Variants in APLP2 observed in about 807,000 individuals in gnomAD.
APLP2 encodes the protein CDEI box-binding protein.
A neutral mutation model predicts 89.9 loss-of-function variants in APLP2; 53 were observed. The ratio of observed to expected loss-of-function variants is 0.59; its 90% CI spans 0.47 to 0.74. The LOEUF (loss-of-function observed/expected upper bound fraction) is 0.74, where lower values mean the gene tolerates loss of function less well. Ranked by LOEUF, APLP2 falls within the 30% of genes least tolerant of loss-of-function variation. APLP2 has a pLI of 0.00. For missense variants in APLP2, 973 were observed against 975.9 expected (o/e 1.00, Z 0.04); for synonymous variants, 372 against 348.6 (o/e 1.07, Z -0.75).
chr11:130,110,725 C>G (rs935624225), intron 3 of APLP2, 64 bp downstream of exon 3: 45 of 1,511,094 alleles, frequency 3.0e-5, no homozygotes, highest in Non-Finnish European at 3.9e-5. Flanking sequence ...TTAATTTTCT[C>G]TTGGCTCACA....
intron 1 of APLP2, among the ~76,000 whole-genome samples, chr11:130,090,623 CT>C (rs529620556): frequency 5.2e-4 from 79 of 152,086 alleles, no homozygotes; most frequent in African/African-American, 1.8e-3. Context: ...AGGAATTTTT[CT>C]TAGTGCAGAA....
intron 1 of APLP2, among the ~76,000 whole-genome samples, chr11:130,070,299 T>C (rs1940673198): frequency 6.6e-6 from 1 of 151,046 alleles, no homozygotes; most frequent in Non-Finnish European, 1.5e-5. Context: ...AGAGGCCAAA[T>C]GAAAGGCGTC....
chr11:130,070,554 C>G, intron 1 of APLP2: 1 of 1,281,506 alleles, frequency 7.8e-7, no homozygotes, highest in Non-Finnish European at 9.8e-7. Flanking sequence ...CACCTGCGAG[C>G]GGCGGGCTTC....
intron 3 of APLP2, among the ~76,000 whole-genome samples, chr11:130,113,772 A>G (rs1020206210): frequency 1.3e-5 from 2 of 152,114 alleles, no homozygotes; most frequent in Non-Finnish European, 2.9e-5. Flanking sequence ...TAGAGTTGCT[A>G]TTGCTTTTTT....
intron 4 of APLP2, 147 bp from the exon 5 acceptor site, chr11:130,121,467 T>A: frequency 9.6e-7 from 1 of 1,041,004 alleles, no homozygotes; most frequent in Non-Finnish European, 1.3e-6. Context: ...TATTACAATT[T>A]TTTTTTGACA....
chr11:130,082,340 C>G (rs781091455), intron 1 of APLP2, among the ~76,000 whole-genome samples: 2 of 151,920 alleles, frequency 1.3e-5, no homozygotes, highest in Admixed American at 6.6e-5. Context: ...CCCGCCATCA[C>G]GCCCAGCTGA....
intron 1 of APLP2, among the ~76,000 whole-genome samples, chr11:130,075,590 C>T (rs2135342849): frequency 6.6e-6 from 1 of 152,198 alleles, no homozygotes; most frequent in South Asian, 2.1e-4. Flanking sequence ...TCAAAAGCTC[C>T]CCGGATGATT....
intron 3 of APLP2, among the ~76,000 whole-genome samples, chr11:130,117,370 T>C (rs1231817128): frequency 1.3e-5 from 2 of 152,234 alleles, no homozygotes; most frequent in Non-Finnish European, 2.9e-5. Flanking sequence ...AGATGAGACA[T>C]AATGTGATGG....
intron 5 of APLP2, 138 bp from the exon 6 acceptor site, chr11:130,122,167 G>A (rs1300386425): frequency 1.9e-6 from 2 of 1,031,748 alleles, no homozygotes; most frequent in Non-Finnish European, 2.9e-6. Context: ...TGGGCCCCAG[G>A]GCTTAGTGGC....
chr11:130,125,777 C>T (rs901173801), intron 7 of APLP2, among the ~76,000 whole-genome samples: 1 of 152,242 alleles, frequency 6.6e-6, no homozygotes, highest in Non-Finnish European at 1.5e-5. Context: ...AGCAAGTCCA[C>T]ACCAGCTTGG....
chr11:130,119,469 C>T (rs1041339497), intron 3 of APLP2, among the ~76,000 whole-genome samples: 4 of 152,220 alleles, frequency 2.6e-5, no homozygotes, highest in Non-Finnish European at 5.9e-5. Context: ...TTCACCCTCA[C>T]GTACTGGTTG....
At chr11:130,095,616 G>A (rs1002523247) in intron 1 of APLP2, among the ~76,000 whole-genome samples, 2 of 152,258 alleles carry the variant, frequency 1.3e-5, no homozygotes, top group Non-Finnish European at 2.9e-5. Flanking sequence ...TCCTTCTCGT[G>A]TGAGCTCTAG....
chr11:130,140,739 G>A (rs1952264669), intron 14 of APLP2: 1 of 272,380 alleles, frequency 3.7e-6, no homozygotes. Context: ...CTAAAGATAT[G>A]AATAACCTGT....
At chr11:130,137,966 C>T (rs1951830823) in intron 13 of APLP2, among the ~76,000 whole-genome samples, 1 of 152,202 alleles carries the variant, frequency 6.6e-6, no homozygotes, top group Non-Finnish European at 1.5e-5. Flanking sequence ...GTTTTTAGCT[C>T]TATTTTCTAG....
At chr11:130,095,888 A>G (rs751310414) in intron 1 of APLP2, among the ~76,000 whole-genome samples, 1 of 151,088 alleles carries the variant, frequency 6.6e-6, no homozygotes, top group Non-Finnish European at 1.5e-5. Flanking sequence ...ATGATGAGCT[A>G]CTGCATGCTA....
At chr11:130,124,213 C>T (rs1161347518) in intron 7 of APLP2, among the ~76,000 whole-genome samples, 1 of 152,170 alleles carries the variant, frequency 6.6e-6, no homozygotes, top group Non-Finnish European at 1.5e-5. Context: ...TGATGCATGC[C>T]AGCTCATGGG....
In APLP2 at chr11:130,126,708, A is replaced by G. The variant is rs950703699; in HGVS notation, c.1099A>G (p.Thr367Ala). 2 of 1,613,612 alleles carry G rather than the reference A, an allele frequency of 1.2e-6. No individual in the cohort carries two copies. The highest frequency in any genetic ancestry group is 1.3e-5 in the African/African-American group (1 of 74,852). ...CTGTAATTTTGTTTCAGTTCCTCCAACTCCTCTGCCAACCAATGATGTTGA... is the reference window on the plus strand; with the variant it reads ...CTGTAATTTTGTTTCAGTTCCTCCAGCTCCTCTGCCAACCAATGATGTTGA... ...MAVCKAMIPP[T>A]PLPTNDVDVY... is the part of the protein sequence containing the mutation. The change falls in exon 8 of 17, where the codon ACT becomes GCT. Residue 367 changes from threonine (T) to alanine (A), a missense_variant. By Grantham distance (58) the Thr-to-Ala change is moderately conservative. Transcript: ENST00000338167.
Position 130,122,532 on chromosome 11 carries a change from A to G in APLP2, c.922+19A>G, listed in dbSNP as rs372853403. On this transcript the variant is annotated intron_variant, in intron 6 of 16. Coordinates refer to ENST00000338167, the MANE Select transcript of APLP2 (RefSeq NM_001142276.2). ...GTCAAAGGTAACCCCATGTAGAGCC[A>G]TGGCTTTGAAATCCATGTGGTAATT... 30 of 1,613,746 alleles carry G rather than the reference A, an allele frequency of 1.9e-5. No individual in the cohort carries two copies. Among genetic ancestry groups the G allele is most frequent in the South Asian group, 3.3e-5 (3 of 91,054 alleles).
chr11:130,074,141 G>A (rs895286684), intron 1 of APLP2, among the ~76,000 whole-genome samples: 8 of 152,130 alleles, frequency 5.3e-5, no homozygotes, highest in South Asian at 2.1e-4. Flanking sequence ...ATCTGCTGTC[G>A]GTTTTCTAGT....
Sources: gnomAD v4.1 joint callset for allele counts (sites outside exome capture counted in the v4.1 genomes callset) on GRCh38, gnomAD v4.1.1 for gene constraint, MANE v1.5 for transcripts, NCBI Gene and HGNC (gene_info 2026-07-23, HGNC 2026-07-21) for gene names.